Variants in GLO1 observed in about 807,000 individuals in gnomAD.
GLO1 encodes lactoylglutathione lyase.
GLO1 carries 28 observed loss-of-function variants against 26.0 expected under a neutral mutation model. The ratio of observed to expected loss-of-function variants is 1.08; its 90% CI spans 0.80 to 1.48. The LOEUF is 1.48. GLO1 is among the 40% of genes most tolerant of loss of function. The pLI, the probability that GLO1 is intolerant of heterozygous loss-of-function variation, is 0.00. For synonymous variants in GLO1, 78 were observed against 77.6 expected (o/e 1.00, Z -0.03); for missense variants, 225 against 224.8 (o/e 1.00, Z -0.01).
intron 5 of GLO1, among the ~76,000 whole-genome samples, chr6:38,681,086 C>T (rs1001231250): frequency 3.3e-5 from 5 of 152,048 alleles, no homozygotes; most frequent in African/African-American, 7.3e-5. Context: ...ATTTTTGTGA[C>T]GGAGTCTCAC....
chr6:38,697,525 A>G (rs75990857), intron 1 of GLO1, among the ~76,000 whole-genome samples: 2,746 of 152,336 alleles, frequency 0.018, 86 homozygotes, highest in African/African-American at 0.061. Context: ...AGGGACAGTT[A>G]TAAGAGTCAC....
chr6:38,684,039 G>A (rs1414665511), intron 3 of GLO1, among the ~76,000 whole-genome samples: 1 of 152,094 alleles, frequency 6.6e-6, no homozygotes, highest in Non-Finnish European at 1.5e-5. Flanking sequence ...GTGAGACCTT[G>A]CCTCTATGCC....
At chr6:38,678,602 C>T (rs1761313703) in intron 5 of GLO1, among the ~76,000 whole-genome samples, 1 of 152,132 alleles carries the variant, frequency 6.6e-6, no homozygotes, top group South Asian at 2.1e-4. Flanking sequence ...GCTCCTCCCT[C>T]ACTGCTGTGT....
intron 1 of GLO1, among the ~76,000 whole-genome samples, chr6:38,702,291 C>T (rs2490026): frequency 0.49 from 75,171 of 152,000 alleles, 19,027 homozygotes; most frequent in African/African-American, 0.6. Flanking sequence ...TGATTCTTAC[C>T]CAGTAAAGAC....
At chr6:38,685,539 G>A (rs537596350) in intron 2 of GLO1, among the ~76,000 whole-genome samples, 1 of 152,308 alleles carries the variant, frequency 6.6e-6, no homozygotes, top group African/African-American at 2.4e-5. Flanking sequence ...AGTTTCTAGA[G>A]TTCTGCTTCC....
At chr6:38,687,415 G>T (rs1278164846) in intron 1 of GLO1, among the ~76,000 whole-genome samples, 2 of 152,206 alleles carry the variant, frequency 1.3e-5, no homozygotes, top group African/African-American at 2.4e-5. Flanking sequence ...CTGCTTTGGG[G>T]CTACCCAAAC....
intron 3 of GLO1, among the ~76,000 whole-genome samples, chr6:38,683,989 C>T (rs940684208): frequency 6.6e-6 from 1 of 152,108 alleles, no homozygotes; most frequent in Non-Finnish European, 1.5e-5. Context: ...GCGGGCGGAT[C>T]ACTTGAGGCC....
rs372367338 is a variant in GLO1 at position 38,688,940 on chromosome 6, G to A, written c.85-1966C>T. Among the ~76,000 whole-genome samples the A allele has an allele frequency of 3.0e-4, 45 of 152,338 alleles. No homozygotes were observed. The East Asian group carries it at 6.4e-3, about 22-fold the overall frequency. ...GGAGAGAGAGAGAGCGAGCGTGCGCGCGCAAAGAAAGTAGAAGAGGAGTGT... is the reference window on the plus strand; with the variant it reads ...GGAGAGAGAGAGAGCGAGCGTGCGCACGCAAAGAAAGTAGAAGAGGAGTGT... On this transcript the variant is annotated intron_variant, in intron 1 of 5. Transcript: ENST00000373365.
intron 1 of GLO1, among the ~76,000 whole-genome samples, chr6:38,701,128 T>G (rs973372956): frequency 6.7e-6 from 1 of 148,930 alleles, no homozygotes; most frequent in Non-Finnish European, 1.5e-5. Context: ...AAATTACTGC[T>G]GGAGTCAGCA....
Position 38,686,969 on chromosome 6 carries a change from A to G in GLO1, c.90T>C (p.Phe30=), listed in dbSNP as rs774346577. The G allele has an allele frequency of 5.6e-6, 9 of 1,600,338 alleles. No homozygotes were observed. The East Asian group carries it at 2.0e-4, about 36-fold the overall frequency. The change falls in exon 2 of 6, where the codon TTT becomes TTC. Residue 30 remains phenylalanine (F), a synonymous_variant. Transcript: ENST00000373365. ...CSDADPSTKD[F]LLQQTMLRVK... ...CTCGTAGCATGGTCTGCTGCAATAG[A>G]AAATCCTATGGAAAAATATTTATAT...
Position 38,684,492 on chromosome 6 carries a change from G to GA in GLO1, c.189dup (p.Pro64SerfsTer13), listed in dbSNP as rs1209297137. 29 of 1,547,946 alleles carry GA rather than the reference G, an allele frequency of 1.9e-5. No homozygotes were observed. The highest frequency in any genetic ancestry group is 2.2e-5 in the Non-Finnish European group (25 of 1,148,956). ...AAGTAGAGTGAAAACTTCATAATGG[G>GA]AAAATCACATTTTTGGATTAGCCTG... is the stretch of plus-strand genomic sequence containing the variant. On this transcript the variant is annotated frameshift_variant, in exon 3 of 6. Transcript: ENST00000373365. LOFTEE classifies it high-confidence loss of function.
intron 1 of GLO1, among the ~76,000 whole-genome samples, chr6:38,699,314 C>T (rs946270581): frequency 7.9e-5 from 12 of 152,270 alleles, no homozygotes; most frequent in South Asian, 2.1e-4. Context: ...CTGTTATCTT[C>T]GTAAGCTGAG....
chr6:38,692,765 C>G (rs1025782353), intron 1 of GLO1, among the ~76,000 whole-genome samples: 1 of 150,980 alleles, frequency 6.6e-6, no homozygotes, highest in African/African-American at 2.4e-5. Flanking sequence ...TTGTCAAATG[C>G]CTTTTCTGTA....
At chr6:38,701,576 A>G (rs1438937067) in intron 1 of GLO1, among the ~76,000 whole-genome samples, 1 of 152,222 alleles carries the variant, frequency 6.6e-6, no homozygotes, top group African/African-American at 2.4e-5. Flanking sequence ...CTCAATTTAC[A>G]TTATATGAAA....
intron 1 of GLO1, among the ~76,000 whole-genome samples, chr6:38,697,034 C>G (rs538239132): frequency 1.3e-5 from 2 of 152,006 alleles, no homozygotes; most frequent in East Asian, 3.9e-4. Flanking sequence ...TGCCTCAGCC[C>G]CCTGAGTAGC....
chr6:38,687,906 T>C (rs1427761832), intron 1 of GLO1, among the ~76,000 whole-genome samples: 9 of 152,018 alleles, frequency 5.9e-5, no homozygotes, highest in Admixed American at 5.9e-4. Flanking sequence ...TTTTTTTTTT[T>C]TTTCTGTTAA....
At chr6:38,688,527 T>C (rs530232065) in intron 1 of GLO1, among the ~76,000 whole-genome samples, 23 of 152,356 alleles carry the variant, frequency 1.5e-4, no homozygotes, top group Admixed American at 3.3e-4. Flanking sequence ...AACATCCTTC[T>C]TTCCCAGCTA....
chr6:38,695,695 C>T (rs965933301), intron 1 of GLO1, among the ~76,000 whole-genome samples: 3 of 152,152 alleles, frequency 2.0e-5, no homozygotes, highest in Admixed American at 6.5e-5. Context: ...GCTCCCCACT[C>T]AGCTTTTGCT....
At chr6:38,699,541 G>A (rs933405547) in intron 1 of GLO1, among the ~76,000 whole-genome samples, 7 of 152,100 alleles carry the variant, frequency 4.6e-5, no homozygotes, top group African/African-American at 7.2e-5. Flanking sequence ...ATAAACGGAC[G>A]TGCAAGTAGG....
Sources: allele counts gnomAD v4.1 joint callset (sites outside exome capture counted in the v4.1 genomes callset), GRCh38; gene constraint gnomAD v4.1.1; transcripts MANE v1.5; gene names NCBI Gene and HGNC (gene_info 2026-07-23, HGNC 2026-07-21).